The following FRZB variants were observed in gnomAD, a reference collection of about 807,000 sequenced individuals.
FRZB encodes frizzled related protein.
A neutral mutation model predicts 32.5 loss-of-function variants in FRZB; 34 were observed. The ratio of observed to expected loss-of-function variants is 1.05; its 90% CI spans 0.80 to 1.39. The LOEUF (loss-of-function observed/expected upper bound fraction) is 1.39, where lower values mean the gene tolerates loss of function less well. Among genes scored for constraint, FRZB ranks in the 40% most tolerant of loss-of-function variants. The probability of loss-of-function intolerance (pLI) is 0.00; values close to 1 mark genes in which losing one functional copy is unlikely to be tolerated. For missense variants in FRZB, 423 were observed against 424.8 expected, an observed-to-expected ratio of 1.00 and a Z score of 0.04; for synonymous variants, 170 against 159.2, an observed-to-expected ratio of 1.07 and a Z score of -0.51.
intron 3 of FRZB, among the ~76,000 whole-genome samples, chr2:182,841,864 G>T (rs1695589457): frequency 6.6e-6 from 1 of 152,144 alleles, no homozygotes; most frequent in Non-Finnish European, 1.5e-5. Flanking sequence ...TGCAAAAATG[G>T]CAGGCTTTTT....
intron 2 of FRZB, among the ~76,000 whole-genome samples, chr2:182,853,319 A>G (rs1695730218): frequency 6.6e-6 from 1 of 152,186 alleles, no homozygotes; most frequent in Non-Finnish European, 1.5e-5. Context: ...TCTTTCTTTC[A>G]TACATTGAAG....
Position 182,849,746 on chromosome 2 carries a change from T to C in FRZB, c.527-7203A>G, listed in dbSNP as rs188346874. Among the ~76,000 whole-genome samples, 45 of 152,348 alleles carry C rather than the reference T, an allele frequency of 3.0e-4. No individual in the cohort carries two copies. The East Asian group carries it at 8.5e-3, about 29-fold the overall frequency. On this transcript the variant is annotated intron_variant, in intron 2 of 5. Coordinates refer to ENST00000295113, the MANE Select transcript of FRZB (RefSeq NM_001463.4). ...AAGACTGACAGAACTAACGCTATAT[T>C]AATAAGAAAAGGAAATTCAGTTTAT...
Position 182,866,288 on chromosome 2 carries a change from A to C in FRZB, c.265T>G (p.Cys89Gly), listed in dbSNP as rs1559053144. Residue 89 changes from cysteine (C) to glycine (G), a missense_variant, in exon 1 of 6, where the codon TGT (cysteine) becomes GGT (glycine). Coordinates refer to ENST00000295113, the MANE Select transcript of FRZB (RefSeq NM_001463.4). The surrounding 1 kb of genome is among the most constrained non-coding windows in gnomAD (Gnocchi z 4.5). ...GTGCAGATGGGCGCGTACATGGCAC[A>C]GAGGAAGAAGAGCAGATCGGGGCTG... The part of the protein sequence containing the change: ...HCSPDLLFFL[C>G]AMYAPICTID... 6.2e-7 allele frequency: 1 copy of C among 1,614,224 alleles called. No homozygotes were observed.
chr2:182,858,313 G>A (rs1423192091), intron 2 of FRZB, among the ~76,000 whole-genome samples: 1 of 152,158 alleles, frequency 6.6e-6, no homozygotes. Flanking sequence ...AAAATATTCT[G>A]TAATAAAAAG....
Position 182,838,607 on chromosome 2 carries a change from C to A in FRZB, c.599G>T (p.Arg200Leu). 1 of 1,611,628 alleles carries A rather than the reference C, an allele frequency of 6.2e-7. No individual in the cohort carries two copies. The highest frequency in any genetic ancestry group is 8.5e-7 in the Non-Finnish European group (1 of 1,178,330). Residue 200 changes from arginine to leucine, a missense_variant, in exon 4 of 6, where the codon CGG (arginine) becomes CTG (leucine). Coordinates refer to ENST00000295113, the MANE Select transcript of FRZB (RefSeq NM_001463.4). ...YFRNNYNYVIRAKVKEIKTKC... is the reference protein window; with the variant it reads ...YFRNNYNYVILAKVKEIKTKC... The stretch of plus-strand genomic sequence containing the variant: ...AGTCTTTATCTCTTTAACTTTAGCC[C>A]GAATGACTGGGATAAAAGACAAGAA...
At chr2:182,865,145 C>T (rs972168136) in intron 1 of FRZB, among the ~76,000 whole-genome samples, 14 of 151,950 alleles carry the variant, frequency 9.2e-5, no homozygotes, top group African/African-American at 3.4e-4. Context: ...ACTGAAATGA[C>T]TGTGGTTGGT....
intron 2 of FRZB, among the ~76,000 whole-genome samples, chr2:182,856,717 A>C (rs1695773913): frequency 6.6e-6 from 1 of 152,152 alleles, no homozygotes; most frequent in Non-Finnish European, 1.5e-5. Context: ...GAAAATTACC[A>C]AGGATAAAAG....
At chr2:182,839,853 C>T (rs1695567918) in intron 3 of FRZB, among the ~76,000 whole-genome samples, 1 of 152,170 alleles carries the variant, frequency 6.6e-6, no homozygotes, top group African/African-American at 2.4e-5. Flanking sequence ...TTCTTAGGCA[C>T]ATAATTGCAA....
rs377391004 is a variant in FRZB, at chr2:182,849,637, C to T, written c.527-7094G>A. Among the ~76,000 whole-genome samples the T allele has an allele frequency of 5.3e-5, 8 of 152,160 alleles. No individual in the cohort carries two copies. The East Asian group carries it at 1.5e-3, about 29-fold the overall frequency. ...TTACAAAGTAAAAGTAACATTTGCT[C>T]AACTTAGCTGTAAAAACAAACCTCA... On this transcript the variant is annotated intron_variant, in intron 2 of 5. Transcript: ENST00000295113.
intron 2 of FRZB, among the ~76,000 whole-genome samples, chr2:182,846,520 T>A (rs926587736): frequency 1.1e-4 from 16 of 152,310 alleles, no homozygotes; most frequent in African/African-American, 3.6e-4. Context: ...CAATTGTATT[T>A]GTGTTACAAT....
intron 1 of FRZB, among the ~76,000 whole-genome samples, chr2:182,863,039 A>C (rs960530107): frequency 2.0e-5 from 3 of 152,142 alleles, no homozygotes; most frequent in Non-Finnish European, 4.4e-5. Context: ...CAAAGTGCTG[A>C]GATTACAGGA....
At chr2:182,847,304 A>G (rs983495173) in intron 2 of FRZB, among the ~76,000 whole-genome samples, 1 of 152,228 alleles carries the variant, frequency 6.6e-6, no homozygotes, top group African/African-American at 2.4e-5. Context: ...CTAGGCAGGA[A>G]CTACATCTTT....
Position 182,863,908 on chromosome 2 carries a change from C to T in FRZB, c.478+2167G>A, listed in dbSNP as rs556072118. Among the ~76,000 whole-genome samples the T allele has an allele frequency of 4.6e-5, 7 of 152,266 alleles. No homozygotes were observed. The South Asian group carries it at 1.2e-3, about 27-fold the overall frequency. On this transcript the variant is annotated intron_variant, in intron 1 of 5. Transcript: ENST00000295113. ...CACTTCATTCCCAATTTCCACCTCC[C>T]CCCACCTTTGAGCTCCCCTTGCCAT...
chr2:182,842,327 C>T, intron 3 of FRZB, 151 bp downstream of exon 3: 1 of 610,330 alleles, frequency 1.6e-6, no homozygotes, highest in Non-Finnish European at 3.0e-6. Flanking sequence ...TTGGTCGGGG[C>T]AGAGGGACTA....
chr2:182,846,463 G>A (rs938968379), intron 2 of FRZB, among the ~76,000 whole-genome samples: 11 of 152,174 alleles, frequency 7.2e-5, no homozygotes, highest in African/African-American at 2.7e-4. Context: ...TCAGATCTGT[G>A]CTTAGGATTT....
Position 182,834,857 on chromosome 2 carries a change from G to T in FRZB, c.970C>A (p.Arg324Ser), listed in dbSNP as rs7775. 4.0e-5 allele frequency: 64 copies of T among 1,611,408 alleles called. No individual in the cohort carries two copies. Among genetic ancestry groups the T allele is most frequent in the Non-Finnish European group, 4.2e-5 (50 of 1,177,942 alleles). Residue 324 changes from arginine to serine, a missense_variant, in exon 6 of 6, where the codon CGC becomes AGC. By Grantham distance (110) the Arg-to-Ser change is moderately radical. Transcript: ENST00000295113. Reference sequence around the variant, plus strand: ...TTTTTGTATTTCGGGATTTAGTTGCGTGCTTGCCGGGGGTTCGAGTTCCTG... The same window carrying T: ...TTTTTGTATTTCGGGATTTAGTTGCTTGCTTGCCGGGGGTTCGAGTTCCTG... ...SGRNSNPRQA[R>S]N is the part of the protein sequence containing the mutation.
At chr2:182,851,452 T>TA (rs1376505984) in intron 2 of FRZB, among the ~76,000 whole-genome samples, 1 of 152,116 alleles carries the variant, frequency 6.6e-6, no homozygotes, top group Admixed American at 6.5e-5. Context: ...GATCAGGAGT[T>TA]AGAGACCAGC....
At chr2:182,862,009 T>A (rs1014965009) in intron 1 of FRZB, among the ~76,000 whole-genome samples, 4 of 152,236 alleles carry the variant, frequency 2.6e-5, no homozygotes, top group Non-Finnish European at 4.4e-5. Context: ...TTCCCTTTAA[T>A]TCTAATCTAA....
intron 3 of FRZB, among the ~76,000 whole-genome samples, chr2:182,838,890 T>C (rs1695557201): frequency 6.6e-6 from 1 of 152,090 alleles, no homozygotes; most frequent in Non-Finnish European, 1.5e-5. Flanking sequence ...TTTTGAGAAA[T>C]CCATTTAGAG....
Sources: allele counts gnomAD v4.1 joint callset (sites outside exome capture counted in the v4.1 genomes callset), GRCh38; gene constraint gnomAD v4.1.1; non-coding constraint Gnocchi (gnomAD v3.1); transcripts MANE v1.5; gene names NCBI Gene and HGNC (gene_info 2026-07-23, HGNC 2026-07-21).